Variants in PROSER2 observed in about 807,000 individuals in gnomAD.
PROSER2 encodes the protein proline and serine rich 2.
In PROSER2, 18 loss-of-function variants were observed where a neutral mutation model predicts 14.6. That is an observed-to-expected ratio of 1.23 (90% CI 0.85 to 1.83). The LOEUF is 1.83. Among genes scored for constraint, PROSER2 ranks in the 40% most tolerant of loss-of-function variants. The probability of loss-of-function intolerance (pLI) is 0.00; values close to 1 mark genes in which losing one functional copy is unlikely to be tolerated. For synonymous variants in PROSER2, 367 were observed against 286.4 expected, an observed-to-expected ratio of 1.28 and a Z score of -2.84; for missense variants, 823 against 629.8, an observed-to-expected ratio of 1.31 and a Z score of -3.28.
intron 1 of PROSER2, among the ~76,000 whole-genome samples, chr10:11,824,327 A>T (rs921682634): frequency 5.8e-4 from 89 of 152,242 alleles, no homozygotes; most frequent in African/African-American, 2.1e-3. Flanking sequence ...TTAACGGAGA[A>T]CATTTTTTAA....
At chr10:11,832,106 C>T (rs747971619) in intron 1 of PROSER2, among the ~76,000 whole-genome samples, 17 of 152,080 alleles carry the variant, frequency 1.1e-4, no homozygotes, top group African/African-American at 3.1e-4. Flanking sequence ...TAAGTTCTTA[C>T]GTAAGGCATT....
intron 1 of PROSER2, among the ~76,000 whole-genome samples, chr10:11,827,042 G>A (rs934748398): frequency 2.0e-5 from 3 of 151,750 alleles, no homozygotes; most frequent in Non-Finnish European, 2.9e-5. Context: ...GTGCCACCAC[G>A]TCCAGCTGTG....
At chr10:11,859,008 CAAAAAAAAAA>C (rs750181845) in intron 2 of PROSER2, among the ~76,000 whole-genome samples, 4 of 61,160 alleles carry the variant, frequency 6.5e-5, no homozygotes, top group African/African-American at 1.2e-4. Flanking sequence ...GACTCTGTCT[CAAAAAAAAAA>C]AAAAAAAAAA....
At chr10:11,835,553 A>C (rs1324085123) in intron 1 of PROSER2, among the ~76,000 whole-genome samples, 2 of 152,296 alleles carry the variant, frequency 1.3e-5, no homozygotes, top group South Asian at 4.1e-4. Flanking sequence ...GTTTCCTTCA[A>C]TTTATGAATT....
At chr10:11,834,861 C>T (rs990754933) in intron 1 of PROSER2, among the ~76,000 whole-genome samples, 1 of 152,040 alleles carries the variant, frequency 6.6e-6, no homozygotes, top group East Asian at 1.9e-4. Context: ...AATCCCAGCA[C>T]TTTGTGAGGC....
intron 1 of PROSER2, among the ~76,000 whole-genome samples, chr10:11,842,240 T>G (rs1833854976): frequency 1.3e-5 from 2 of 151,540 alleles, no homozygotes; most frequent in South Asian, 4.1e-4. Flanking sequence ...AAAAATCCAG[T>G]GTGACAATGT....
intron 2 of PROSER2, among the ~76,000 whole-genome samples, chr10:11,861,283 T>A (rs1834232504): frequency 6.6e-6 from 1 of 152,196 alleles, no homozygotes; most frequent in Non-Finnish European, 1.5e-5. Context: ...CACAGACCCC[T>A]TTCCCTGGAA....
rs921903498 is a variant in PROSER2 at position 11,865,586 on chromosome 10, T to C, written c.139-945T>C. The stretch of plus-strand genomic sequence containing the variant: ...GTTGACTGTAATCTTTACCTGTGGA[T>C]TGATCTTGCTGGGGAACCCTTGGGA... On this transcript the variant is annotated intron_variant, in intron 2 of 3. Transcript: ENST00000277570. This position sits in a 1 kb window ranked among gnomAD's most constrained non-coding sequence, Gnocchi z 4.2. Among the ~76,000 whole-genome samples the C allele has an allele frequency of 1.3e-5, 2 of 152,240 alleles. No homozygotes were observed. Among genetic ancestry groups the C allele is most frequent in the Non-Finnish European group, 2.9e-5 (2 of 68,040 alleles).
chr10:11,869,724 A>C lies in PROSER2; in HGVS notation c.626A>C (p.Glu209Ala), dbSNP rs1263173142. Reference sequence around the variant, plus strand: ...ATTTCCGAGAGGATGGCGGGGAACGAAGCCCTCTCGCCCACCTCCCCGTTC... The same window carrying C: ...ATTTCCGAGAGGATGGCGGGGAACGCAGCCCTCTCGCCCACCTCCCCGTTC... Reference protein sequence around the residue: ...QKISERMAGNEALSPTSPFRE... With the variant: ...QKISERMAGNAALSPTSPFRE... Residue 209 changes from glutamate to alanine, a missense_variant, in exon 4 of 4, where the codon GAA (glutamate) becomes GCA (alanine). Glu to Ala is a moderately radical substitution (Grantham distance 107). Coordinates refer to ENST00000277570, the MANE Select transcript of PROSER2 (RefSeq NM_153256.4). This position sits in a 1 kb window ranked among gnomAD's most constrained non-coding sequence, Gnocchi z 4.4. 6.3e-7 allele frequency: 1 copy of C among 1,591,944 alleles called. No individual in the cohort carries two copies. Among genetic ancestry groups the C allele is most frequent in the Admixed American group, 1.7e-5 (1 of 57,300 alleles).
At chr10:11,844,349 TAAAAA>T (rs766835255) in intron 1 of PROSER2, among the ~76,000 whole-genome samples, 5 of 152,148 alleles carry the variant, frequency 3.3e-5, no homozygotes, top group Non-Finnish European at 5.9e-5. Flanking sequence ...TTCATATGGT[TAAAAA>T]AGAAAAGGTA....
Position 11,870,181 on chromosome 10 carries a change from C to G in PROSER2, c.1083C>G (p.Pro361=). 2.0e-6 allele frequency: 3 copies of G among 1,485,420 alleles called. No homozygotes were observed. Among genetic ancestry groups the G allele is most frequent in the Non-Finnish European group, 2.7e-6 (3 of 1,124,898 alleles). 92.0% of individuals were successfully genotyped at this position (1,485,420 alleles called of 1,614,324 possible). A position where few individuals can be genotyped will look rare whatever the true frequency, so the allele number is the denominator to read the frequency against. The part of the protein sequence containing the change: ...ALKSAPSSFA[P]AGKSLCFRPG... ...AGAGCGCACCCAGCTCCTTCGCGCC[C>G]GCTGGGAAGTCCCTCTGCTTCCGCC... is the stretch of plus-strand genomic sequence containing the variant. Residue 361 remains proline, a synonymous_variant, in exon 4 of 4, where the codon CCC becomes CCG. Transcript: ENST00000277570.
At chr10:11,844,405 A>G (rs892610420) in intron 1 of PROSER2, among the ~76,000 whole-genome samples, 2 of 152,090 alleles carry the variant, frequency 1.3e-5, no homozygotes, top group African/African-American at 4.8e-5. Context: ...CTTGTCCTCA[A>G]CTCACTTCTA....
chr10:11,852,871 A>AAGTGCTGGGATTATAG (rs1554767227), intron 2 of PROSER2, among the ~76,000 whole-genome samples: 5 of 140,230 alleles, frequency 3.6e-5, no homozygotes, highest in East Asian at 2.5e-4. Flanking sequence ...CGGCCACTCA[A>AAGTGCTGGGATTATAG]GCTGATGTTT....
In PROSER2 at chr10:11,869,448, C is replaced by G. The variant is rs2131098342; in HGVS notation, c.392-42C>G. On this transcript the variant is annotated intron_variant, in intron 3 of 3. Transcript: ENST00000277570. The surrounding 1 kb of genome is among the most constrained non-coding windows in gnomAD (Gnocchi z 4.4). ...AGAGGGAACTTCATGCATTTACTTT[C>G]ACGTGGGCCGGTGGCTCACAGGCTC... 3 of 1,473,080 alleles carry G rather than the reference C, an allele frequency of 2.0e-6. No individual in the cohort carries two copies. Among genetic ancestry groups the G allele is most frequent in the Non-Finnish European group, 2.8e-6 (3 of 1,053,140 alleles). The allele number at this position is 1,473,080 out of a possible 1,614,324, so 91.3% of individuals were successfully genotyped here.
At chr10:11,845,562 C>T (rs4297372) in intron 1 of PROSER2, among the ~76,000 whole-genome samples, 150,324 of 152,306 alleles carry the variant, frequency 0.99, 74,208 homozygotes, top group East Asian at 1. Context: ...ACAAAAAATA[C>T]AGGCAGGGTT....
chr10:11,869,140 A>G lies in PROSER2; in HGVS notation c.392-350A>G, dbSNP rs748022321. Among the ~76,000 whole-genome samples the G allele has an allele frequency of 2.4e-4, 37 of 152,096 alleles. No homozygotes were observed. Among genetic ancestry groups the G allele is most frequent in the Non-Finnish European group, 4.7e-4 (32 of 68,010 alleles). On this transcript the variant is annotated intron_variant, in intron 3 of 3. Coordinates refer to ENST00000277570, the MANE Select transcript of PROSER2 (RefSeq NM_153256.4). This position sits in a 1 kb window ranked among gnomAD's most constrained non-coding sequence, Gnocchi z 4.4. ...GTGTGCCACACACTTTCTAGACTCAATTTCCCCTTTGTAAACTCCCCTGAT... is the reference window on the plus strand; with the variant it reads ...GTGTGCCACACACTTTCTAGACTCAGTTTCCCCTTTGTAAACTCCCCTGAT...
Position 11,869,551 on chromosome 10 carries a change from C to T in PROSER2, c.453C>T (p.Asp151=), listed in dbSNP as rs1487905253. Residue 151 remains aspartate, a synonymous_variant, in exon 4 of 4, where the codon GAC becomes GAT. Coordinates refer to ENST00000277570, the MANE Select transcript of PROSER2 (RefSeq NM_153256.4). This position sits in a 1 kb window ranked among gnomAD's most constrained non-coding sequence, Gnocchi z 4.4. ...ATGCTGAGACTCCTCCACCTCCAGACCCCCCGGCTCCCGAGACCCTTCTTG... is the reference window on the plus strand; with the variant it reads ...ATGCTGAGACTCCTCCACCTCCAGATCCCCCGGCTCCCGAGACCCTTCTTG... ...KQDAETPPPP[D]PPAPETLLAP... The T allele has an allele frequency of 1.2e-6, 2 of 1,608,764 alleles. No homozygotes were observed. Among genetic ancestry groups the T allele is most frequent in the South Asian group, 1.1e-5 (1 of 90,896 alleles).
chr10:11,836,934 C>T lies in PROSER2; in HGVS notation c.-82+13464C>T, dbSNP rs1833769974. On this transcript the variant is annotated intron_variant, in intron 1 of 3. Coordinates refer to ENST00000277570, the MANE Select transcript of PROSER2 (RefSeq NM_153256.4). This position sits in a 1 kb window ranked among gnomAD's most constrained non-coding sequence, Gnocchi z 4.6. ...TCCTTCATAAGTTTTAAATTGTGCA[C>T]CATTCTGAGTAGTGGGATGAAATGC... 6.6e-6 allele frequency among the ~76,000 whole-genome samples: 1 copy of T among 152,152 alleles called. No individual in the cohort carries two copies. The highest frequency in any genetic ancestry group is 1.5e-5 in the Non-Finnish European group (1 of 68,034).
rs1358388230 is a variant in PROSER2, at chr10:11,866,780, G to A, written c.388G>A (p.Ala130Thr). Residue 130 changes from alanine (A) to threonine (T), a missense_variant, in exon 3 of 4, where the codon GCA (alanine) becomes ACA (threonine). Coordinates refer to ENST00000277570, the MANE Select transcript of PROSER2 (RefSeq NM_153256.4). The surrounding 1 kb of genome is among the most constrained non-coding windows in gnomAD (Gnocchi z 6.0). ...GGGCCTTCCAGAGGGGACCCAGGCA[G>A]CAGGTGAGGGGGAAGACAGGCCATC... ...AEGLPEGTQA[A>T]GPAPAGKEHR... 1.2e-6 allele frequency: 2 copies of A among 1,609,916 alleles called. No individual in the cohort carries two copies. The highest frequency in any genetic ancestry group is 4.5e-5 in the East Asian group (2 of 44,858).
Sources: allele counts gnomAD v4.1 joint callset (sites outside exome capture counted in the v4.1 genomes callset), GRCh38; gene constraint gnomAD v4.1.1; non-coding constraint Gnocchi (gnomAD v3.1); transcripts MANE v1.5; gene names NCBI Gene and HGNC (gene_info 2026-07-23, HGNC 2026-07-21).